The following YAF2 variants were observed in gnomAD, a reference collection of about 807,000 sequenced individuals.
YAF2 encodes YY1 associated factor 2.
YAF2 carries 7 observed loss-of-function variants against 20.1 expected under a neutral mutation model. The ratio of observed to expected loss-of-function variants is 0.35; its 90% CI spans 0.20 to 0.65. The LOEUF (loss-of-function observed/expected upper bound fraction) is 0.65, where lower values mean the gene tolerates loss of function less well. Ranked by LOEUF, YAF2 falls within the 30% of genes least tolerant of loss-of-function variation. The probability of loss-of-function intolerance (pLI) is 0.69; values close to 1 mark genes in which losing one functional copy is unlikely to be tolerated. For synonymous variants in YAF2, 74 were observed against 76.0 expected, an observed-to-expected ratio of 0.97 and a Z score of 0.14; for missense variants, 151 against 219.2, an observed-to-expected ratio of 0.69 and a Z score of 1.96.
intron 2 of YAF2, among the ~76,000 whole-genome samples, chr12:42,204,189 T>C (rs1177786840): frequency 1.3e-5 from 2 of 152,224 alleles, no homozygotes; most frequent in Non-Finnish European, 2.9e-5. Flanking sequence ...GTGTGAACCT[T>C]TGTACACTGC....
chr12:42,197,049 T>TA (rs1320285005), intron 2 of YAF2, among the ~76,000 whole-genome samples: 1 of 152,232 alleles, frequency 6.6e-6, no homozygotes, highest in East Asian at 1.9e-4. Flanking sequence ...TTGTCCTCAG[T>TA]AAATGTTTAG....
intron 2 of YAF2, among the ~76,000 whole-genome samples, chr12:42,230,187 G>A (rs1256460833): frequency 2.0e-5 from 3 of 152,290 alleles, no homozygotes; most frequent in Admixed American, 6.5e-5. Context: ...AATCTGGGAG[G>A]CGGAGATTGC....
intron 2 of YAF2, among the ~76,000 whole-genome samples, chr12:42,206,393 G>C (rs1290078808): frequency 6.6e-6 from 1 of 151,462 alleles, no homozygotes; most frequent in Non-Finnish European, 1.5e-5. Context: ...CAGATCACCT[G>C]AGGTCAGGAG....
intron 2 of YAF2, chr12:42,199,050 A>T: frequency 1.5e-6 from 1 of 673,114 alleles, no homozygotes; most frequent in Non-Finnish European, 2.1e-6. Flanking sequence ...TGTTGAATTT[A>T]ATATTGTTTG....
chr12:42,201,418 C>G (rs983015926), intron 2 of YAF2, among the ~76,000 whole-genome samples: 1 of 152,150 alleles, frequency 6.6e-6, no homozygotes, highest in African/African-American at 2.4e-5. Context: ...ATTCCATTTC[C>G]TCTGCTGCTA....
At chr12:42,181,967 G>A (rs1439977348) in intron 2 of YAF2, among the ~76,000 whole-genome samples, 5 of 152,000 alleles carry the variant, frequency 3.3e-5, no homozygotes, top group Admixed American at 2.6e-4. Context: ...AGTGGCCAGT[G>A]TTACCTAGTG....
chr12:42,214,056 C>G (rs1455776551), intron 2 of YAF2, among the ~76,000 whole-genome samples: 1 of 152,210 alleles, frequency 6.6e-6, no homozygotes, highest in Admixed American at 6.5e-5. Flanking sequence ...CACTTCCACA[C>G]TTAAACTCAT....
At chr12:42,166,082 C>A (rs1228646067) in intron 2 of YAF2, among the ~76,000 whole-genome samples, 1 of 151,966 alleles carries the variant, frequency 6.6e-6, no homozygotes, top group Non-Finnish European at 1.5e-5. Context: ...CCATGCCTGG[C>A]TAATTTTTTA....
At chr12:42,163,906 C>T (rs896043802) in intron 2 of YAF2, among the ~76,000 whole-genome samples, 4 of 152,052 alleles carry the variant, frequency 2.6e-5, no homozygotes, top group African/African-American at 9.7e-5. Flanking sequence ...GTTTGTGATC[C>T]CTTTTCTATT....
chr12:42,198,832 C>G (rs1377004075), intron 2 of YAF2, among the ~76,000 whole-genome samples: 1 of 152,064 alleles, frequency 6.6e-6, no homozygotes, highest in Non-Finnish European at 1.5e-5. Context: ...TTACATAACA[C>G]CAAAGTTTTC....
chr12:42,227,994 G>A (rs1470677362), intron 2 of YAF2, among the ~76,000 whole-genome samples: 2 of 137,850 alleles, frequency 1.5e-5, no homozygotes, highest in Non-Finnish European at 3.2e-5. Flanking sequence ...CCCCCGCCTG[G>A]CCAGCCGCCC....
chr12:42,169,175 A>G (rs1291310632), intron 2 of YAF2, among the ~76,000 whole-genome samples: 1 of 152,170 alleles, frequency 6.6e-6, no homozygotes, highest in Non-Finnish European at 1.5e-5. Flanking sequence ...AGTATGCCAA[A>G]ACCAAAAGAC....
At chr12:42,171,496 C>T (rs775654072) in intron 2 of YAF2, among the ~76,000 whole-genome samples, 6 of 144,908 alleles carry the variant, frequency 4.1e-5, no homozygotes, top group Non-Finnish European at 7.5e-5. Context: ...GGTATGACCC[C>T]ATCTCTTTAA....
chr12:42,206,611 A>C (rs536571650), intron 2 of YAF2, among the ~76,000 whole-genome samples: 22 of 151,504 alleles, frequency 1.5e-4, no homozygotes, highest in African/African-American at 5.3e-4. Context: ...TCCATATTAA[A>C]AAAAAAAAAA....
chr12:42,178,663 C>T (rs963113083), intron 2 of YAF2, among the ~76,000 whole-genome samples: 1 of 152,008 alleles, frequency 6.6e-6, no homozygotes, highest in Non-Finnish European at 1.5e-5. Context: ...TGTGTCAGCA[C>T]CACTTTCAAA....
chr12:42,174,685 G>C (rs1209655602), intron 2 of YAF2, among the ~76,000 whole-genome samples: 2 of 152,154 alleles, frequency 1.3e-5, no homozygotes, highest in South Asian at 4.1e-4. Flanking sequence ...CACTCCTCTT[G>C]TTGACCTCAT....
intron 2 of YAF2, among the ~76,000 whole-genome samples, chr12:42,193,455 CT>C (rs1279636684): frequency 2.6e-5 from 4 of 152,020 alleles, no homozygotes; most frequent in Admixed American, 6.6e-5. Flanking sequence ...GTATTTATAA[CT>C]TTAAGCAACC....
At chr12:42,208,919 T>C (rs1377244515) in intron 2 of YAF2, among the ~76,000 whole-genome samples, 2 of 152,166 alleles carry the variant, frequency 1.3e-5, no homozygotes, top group East Asian at 3.8e-4. Context: ...CGGATGAAAG[T>C]TTTGTAAAAC....
At chr12:42,228,788 T>TG (rs1426293768) in intron 2 of YAF2, among the ~76,000 whole-genome samples, 1 of 17,694 alleles carries the variant, frequency 5.7e-5, no homozygotes, top group Non-Finnish European at 9.4e-5. Context: ...GGAGGGAGGT[T>TG]GGGGGGTCAG....
Sources: allele counts gnomAD v4.1 joint callset (sites outside exome capture counted in the v4.1 genomes callset), GRCh38; gene constraint gnomAD v4.1.1; transcripts MANE v1.5; gene names NCBI Gene and HGNC (gene_info 2026-07-23, HGNC 2026-07-21).